CCDC146: variants seen among roughly 807,000 people sequenced by gnomAD.
CCDC146 encodes the protein coiled-coil domain containing 146.
A neutral mutation model predicts 119.3 loss-of-function variants in CCDC146; 92 were observed. The ratio of observed to expected loss-of-function variants is 0.77; its 90% CI spans 0.65 to 0.92. The LOEUF (loss-of-function observed/expected upper bound fraction) is 0.92, where lower values mean the gene tolerates loss of function less well. Ranked by LOEUF, CCDC146 falls within the 40% of genes least tolerant of loss-of-function variation. The pLI, the probability that CCDC146 is intolerant of heterozygous loss-of-function variation, is 0.00. For synonymous variants in CCDC146, 372 were observed against 371.8 expected (o/e 1.00, Z -0.01); for missense variants, 1,000 against 1,103.0 (o/e 0.91, Z 1.32).
intron 1 of CCDC146, among the ~76,000 whole-genome samples, chr7:77,128,901 T>C (rs1477857739): frequency 6.6e-6 from 1 of 152,122 alleles, no homozygotes; most frequent in African/African-American, 2.4e-5. Flanking sequence ...CTGATCCTTT[T>C]GGCCATAACA....
At chr7:77,261,989 A>T in intron 8 of CCDC146, 132 bp from the exon 9 acceptor site, 2 of 663,220 alleles carry the variant, frequency 3.0e-6, no homozygotes, top group South Asian at 4.1e-5. Context: ...GTCAAACGGT[A>T]GTTCTGTTTT....
intron 2 of CCDC146, among the ~76,000 whole-genome samples, chr7:77,231,882 T>G (rs1239019277): frequency 6.6e-6 from 1 of 151,864 alleles, no homozygotes; most frequent in Non-Finnish European, 1.5e-5. Flanking sequence ...GGGGGTCATA[T>G]TTTCTTGTTT....
At chr7:77,222,457 C>T (rs759390414) in intron 2 of CCDC146, among the ~76,000 whole-genome samples, 1 of 152,208 alleles carries the variant, frequency 6.6e-6, no homozygotes, top group Non-Finnish European at 1.5e-5. Flanking sequence ...ACACTGAAGT[C>T]TTGCAGCCTA....
At chr7:77,182,747 T>A (rs1445108242) in intron 2 of CCDC146, among the ~76,000 whole-genome samples, 1 of 152,058 alleles carries the variant, frequency 6.6e-6, no homozygotes, top group Non-Finnish European at 1.5e-5. Context: ...TGAGCCAAGA[T>A]CAGACCTCTG....
intron 14 of CCDC146, among the ~76,000 whole-genome samples, chr7:77,281,895 T>C (rs1323614419): frequency 6.6e-6 from 1 of 152,192 alleles, no homozygotes; most frequent in African/African-American, 2.4e-5. Flanking sequence ...CCAAAGCGTT[T>C]GGACAAACAG....
intron 1 of CCDC146, among the ~76,000 whole-genome samples, chr7:77,151,290 G>C (rs865804620): frequency 3.0e-4 from 45 of 152,088 alleles, no homozygotes; most frequent in African/African-American, 1.0e-3. Context: ...ATTGGGGCAG[G>C]GGACATAAAA....
At chr7:77,255,463 C>G (rs1793160437) in intron 5 of CCDC146, 1 of 152,164 alleles carries the variant, frequency 6.6e-6, no homozygotes, top group South Asian at 2.1e-4. Flanking sequence ...CCAAGGCCAG[C>G]TCACAATAAA....
intron 15 of CCDC146, among the ~76,000 whole-genome samples, chr7:77,285,997 CT>C (rs1793841401): frequency 1.3e-5 from 2 of 152,200 alleles, no homozygotes; most frequent in Non-Finnish European, 2.9e-5. Context: ...TTACCCTGGT[CT>C]CTGTAACAAC....
At chr7:77,198,027 C>A in intron 2 of CCDC146, 1 of 604,580 alleles carries the variant, frequency 1.7e-6, no homozygotes, top group Non-Finnish European at 2.1e-6. Flanking sequence ...TCAGTTATTT[C>A]ACCCAAAATG....
chr7:77,215,886 A>G (rs1314915520), intron 2 of CCDC146, among the ~76,000 whole-genome samples: 5 of 152,112 alleles, frequency 3.3e-5, no homozygotes, highest in African/African-American at 1.2e-4. Flanking sequence ...ATTTTGATAC[A>G]TAGTTATATT....
intron 15 of CCDC146, among the ~76,000 whole-genome samples, chr7:77,286,361 A>G (rs1584148000): frequency 6.6e-6 from 1 of 152,144 alleles, no homozygotes; most frequent in African/African-American, 2.4e-5. Flanking sequence ...TCCTGCCCCC[A>G]TGACCCAAAC....
At chr7:77,150,102 A>C (rs1461298167) in intron 1 of CCDC146, among the ~76,000 whole-genome samples, 1 of 152,148 alleles carries the variant, frequency 6.6e-6, no homozygotes, top group African/African-American at 2.4e-5. Flanking sequence ...TCTAAAAGGA[A>C]ATATAGGAGA....
rs186816197 is a variant in CCDC146 at position 77,238,230 on chromosome 7, C to T, written c.239+1201C>T. Among the ~76,000 whole-genome samples, 48 of 152,226 alleles carry T rather than the reference C, an allele frequency of 3.2e-4. No individual in the cohort carries two copies. In the East Asian group the frequency reaches 7.2e-3, roughly 23 times the overall value. On this transcript the variant is annotated intron_variant, in intron 3 of 18. Coordinates refer to ENST00000285871, the MANE Select transcript of CCDC146 (RefSeq NM_020879.3). Reference sequence around the variant, plus strand: ...GGTTCCATTCCCCCGTAGCTGGTCACGCCTGCCAGTGTGTTCTCAGAGTTC... The same window carrying T: ...GGTTCCATTCCCCCGTAGCTGGTCATGCCTGCCAGTGTGTTCTCAGAGTTC...
intron 4 of CCDC146, among the ~76,000 whole-genome samples, chr7:77,248,377 CA>C (rs1206999597): frequency 6.6e-6 from 1 of 152,156 alleles, no homozygotes. Context: ...CACCACACTG[CA>C]ATATATCCAT....
chr7:77,216,044 G>A (rs1432046822), intron 2 of CCDC146, among the ~76,000 whole-genome samples: 1 of 151,630 alleles, frequency 6.6e-6, no homozygotes. Flanking sequence ...TCATTTTAAG[G>A]TTTATCCTTT....
intron 1 of CCDC146, among the ~76,000 whole-genome samples, chr7:77,135,343 C>T (rs1434136463): frequency 6.6e-6 from 1 of 151,752 alleles, no homozygotes. Flanking sequence ...CAAAAATTAG[C>T]CAGATGTGGT....
intron 5 of CCDC146, 31 bp from the exon 6 acceptor site, chr7:77,256,302 T>C (rs761039231): frequency 5.2e-6 from 8 of 1,530,498 alleles, no homozygotes; most frequent in Middle Eastern, 1.8e-4. Context: ...GCTCAGACTA[T>C]ATAACCTAAT....
intron 2 of CCDC146, among the ~76,000 whole-genome samples, chr7:77,197,853 TA>T (rs1230189268): frequency 1.3e-5 from 2 of 152,184 alleles, no homozygotes; most frequent in African/African-American, 4.8e-5. Context: ...CAGGTGACTA[TA>T]TTGAGGATAA....
chr7:77,133,163 T>TC (rs1316201739), intron 1 of CCDC146, among the ~76,000 whole-genome samples: 1 of 150,520 alleles, frequency 6.6e-6, no homozygotes, highest in African/African-American at 2.5e-5. Flanking sequence ...AGAGCAAGAC[T>TC]CCATCTCAAA....
Sources: gnomAD v4.1 joint callset for allele counts (sites outside exome capture counted in the v4.1 genomes callset) on GRCh38, gnomAD v4.1.1 for gene constraint, MANE v1.5 for transcripts, NCBI Gene and HGNC (gene_info 2026-07-23, HGNC 2026-07-21) for gene names.